STRBP: variants seen among roughly 807,000 people sequenced by gnomAD.
STRBP encodes spermatid perinuclear RNA binding protein, also known as spermatid perinuclear RNA-binding protein.
In STRBP, 13 loss-of-function variants were observed where a neutral mutation model predicts 80.1. That is an observed-to-expected ratio of 0.16 (90% CI 0.11 to 0.26). The LOEUF is 0.26. Among genes scored for constraint, STRBP ranks in the 10% least tolerant of loss-of-function variants. STRBP has a pLI of 1.00. For synonymous variants in STRBP, 284 were observed against 291.2 expected (o/e 0.98, Z 0.25); for missense variants, 485 against 815.2 (o/e 0.59, Z 4.93).
intron 2 of STRBP, among the ~76,000 whole-genome samples, chr9:123,186,758 AAT>A (rs1393890817): frequency 6.6e-6 from 1 of 151,740 alleles, no homozygotes; most frequent in Admixed American, 6.6e-5. Context: ...CCAAATTTAT[AAT>A]ATGTCTGATT....
chr9:123,206,929 C>T (rs1425660088), intron 2 of STRBP, among the ~76,000 whole-genome samples: 3 of 152,114 alleles, frequency 2.0e-5, no homozygotes, highest in South Asian at 2.1e-4. Flanking sequence ...TGAGCCACCG[C>T]GCCCAGCCAA....
intron 11 of STRBP, among the ~76,000 whole-genome samples, chr9:123,155,734 C>G (rs1424268917): frequency 6.6e-6 from 1 of 151,580 alleles, no homozygotes; most frequent in African/African-American, 2.4e-5. Context: ...GCTATGCCCA[C>G]AGAATAAGTA....
intron 13 of STRBP, among the ~76,000 whole-genome samples, chr9:123,143,248 A>C (rs1418238661): frequency 1.3e-5 from 2 of 152,168 alleles, no homozygotes; most frequent in Non-Finnish European, 2.9e-5. Flanking sequence ...GATTCTTTTC[A>C]TGTAATATGG....
intron 2 of STRBP, among the ~76,000 whole-genome samples, chr9:123,215,942 A>C (rs1178307427): frequency 1.3e-5 from 2 of 152,244 alleles, no homozygotes; most frequent in Admixed American, 6.5e-5. Flanking sequence ...CAGTGAAAGA[A>C]AGATTTCGGA....
chr9:123,250,827 G>A (rs1009946761), intron 1 of STRBP, among the ~76,000 whole-genome samples: 1 of 152,184 alleles, frequency 6.6e-6, no homozygotes, highest in Non-Finnish European at 1.5e-5. Flanking sequence ...CTGTTTTAAA[G>A]GAAAGCAGGG....
intron 2 of STRBP, among the ~76,000 whole-genome samples, chr9:123,184,584 C>A (rs2038620738): frequency 6.6e-6 from 1 of 152,086 alleles, no homozygotes; most frequent in Non-Finnish European, 1.5e-5. Flanking sequence ...AGAAGCACCA[C>A]CTGAAAGAGT....
At chr9:123,214,621 GA>G (rs2039831420) in intron 2 of STRBP, among the ~76,000 whole-genome samples, 1 of 152,116 alleles carries the variant, frequency 6.6e-6, no homozygotes, top group African/African-American at 2.4e-5. Flanking sequence ...TCCCTCTCTT[GA>G]AAGAGTCAGG....
At chr9:123,262,780 T>C (rs2041185601) in intron 1 of STRBP, among the ~76,000 whole-genome samples, 1 of 152,194 alleles carries the variant, frequency 6.6e-6, no homozygotes, top group Admixed American at 6.5e-5. Flanking sequence ...AGGATGCACT[T>C]AATGGACCCT....
At chr9:123,262,853 C>A (rs1411712069) in intron 1 of STRBP, among the ~76,000 whole-genome samples, 1 of 152,164 alleles carries the variant, frequency 6.6e-6, no homozygotes, top group Non-Finnish European at 1.5e-5. Context: ...GGTCACCTCA[C>A]TATTCAATGC....
chr9:123,217,690 A>G (rs749680535), intron 2 of STRBP, among the ~76,000 whole-genome samples: 1 of 152,252 alleles, frequency 6.6e-6, no homozygotes, highest in Non-Finnish European at 1.5e-5. Flanking sequence ...GTTATTTTCA[A>G]TAAAGGCATT....
rs555788559 is a variant in STRBP at position 123,164,577 on chromosome 9, C to T, written c.536-3509G>A. The stretch of plus-strand genomic sequence containing the variant: ...GCTATCTGTCCCTGTTAACAAAACA[C>T]CAGCCTGGAGATGGGGCTGGCAAAA... On this transcript the variant is annotated intron_variant, in intron 6 of 18. Transcript: ENST00000348403. Among the ~76,000 whole-genome samples the T allele has an allele frequency of 1.8e-4, 28 of 152,246 alleles. No individual in the cohort carries two copies. In the Middle Eastern group the frequency reaches 0.01, roughly 55 times the overall value.
At position 123,114,890 on chromosome 9, in the gene STRBP, T is replaced by C. The variant is rs371322531; in HGVS notation, c.*84+1039A>G. 63 of 305,022 alleles carry C rather than the reference T, an allele frequency of 2.1e-4. No homozygotes were observed. In the East Asian group the frequency reaches 4.7e-3, roughly 23 times the overall value. 18.9% of individuals were successfully genotyped at this position (305,022 alleles called of 1,614,324 possible). On this transcript the variant is annotated intron_variant and NMD_transcript_variant, in intron 3 of 3. Coordinates refer to the STRBP transcript ENST00000471564. ...CAATCCGGCAGAGGAGCCTGGCCTG[T>C]GAGGAGATGCCATTCCTGCCTCTCC...
At chr9:123,231,390 C>A (rs962298112) in intron 2 of STRBP, among the ~76,000 whole-genome samples, 3 of 152,154 alleles carry the variant, frequency 2.0e-5, no homozygotes, top group African/African-American at 7.2e-5. Context: ...CCTTTCTGGT[C>A]TTTTAGATTG....
intron 2 of STRBP, among the ~76,000 whole-genome samples, chr9:123,186,800 T>A (rs1429901706): frequency 4.4e-5 from 6 of 137,304 alleles, no homozygotes; most frequent in African/African-American, 1.6e-4. Flanking sequence ...GAAACTACAA[T>A]AGCTTTTAAG....
intron 2 of STRBP, among the ~76,000 whole-genome samples, chr9:123,235,575 C>T (rs1293954312): frequency 3.2e-5 from 1 of 30,902 alleles, no homozygotes; most frequent in Non-Finnish European, 6.4e-5. Flanking sequence ...GATGAAGAGA[C>T]AAGTTCAGCA....
intron 2 of STRBP, among the ~76,000 whole-genome samples, chr9:123,202,223 T>C (rs2039352743): frequency 6.6e-6 from 1 of 152,226 alleles, no homozygotes. Flanking sequence ...CATTCAATGC[T>C]AATATTGAGA....
At chr9:123,160,159 A>T (rs1489768883) in intron 8 of STRBP, among the ~76,000 whole-genome samples, 2 of 152,238 alleles carry the variant, frequency 1.3e-5, no homozygotes, top group East Asian at 3.8e-4. Flanking sequence ...GCTCTGTAAC[A>T]TGAATACAAT....
At chr9:123,208,225 C>A (rs1464814824) in intron 2 of STRBP, among the ~76,000 whole-genome samples, 1 of 151,826 alleles carries the variant, frequency 6.6e-6, no homozygotes, top group Non-Finnish European at 1.5e-5. Context: ...GTCACTGTCA[C>A]TATAACGAAG....
intron 2 of STRBP, among the ~76,000 whole-genome samples, chr9:123,186,841 A>G (rs2038718782): frequency 6.6e-6 from 1 of 151,644 alleles, no homozygotes; most frequent in African/African-American, 2.4e-5. Flanking sequence ...AAAAAAAAAA[A>G]AAGGTCAACC....
Sources: gnomAD v4.1 joint callset for allele counts (sites outside exome capture counted in the v4.1 genomes callset) on GRCh38, gnomAD v4.1.1 for gene constraint, MANE v1.5 for transcripts, NCBI Gene and HGNC (gene_info 2026-07-23, HGNC 2026-07-21) for gene names.